Variants in FHIT observed in about 807,000 individuals in gnomAD.
The protein encoded by FHIT is fragile histidine triad diadenosine triphosphatase, also known as bis(5'-adenosyl)-triphosphatase.
In FHIT, 19 loss-of-function variants were observed where a neutral mutation model predicts 17.9. The ratio of observed to expected loss-of-function variants is 1.06; its 90% CI spans 0.74 to 1.56. The LOEUF (loss-of-function observed/expected upper bound fraction) is 1.56, where lower values mean the gene tolerates loss of function less well. FHIT is among the 40% of genes most tolerant of loss of function. FHIT has a pLI of 0.00. For synonymous variants in FHIT, 81 were observed against 69.7 expected (o/e 1.16, Z -0.81); for missense variants, 248 against 189.2 (o/e 1.31, Z -1.82).
At chr3:61,202,067 T>TACACACACAC (rs143994045) in intron 1 of FHIT, among the ~76,000 whole-genome samples, 7,116 of 148,646 alleles carry the variant, frequency 0.048, 229 homozygotes, top group African/African-American at 0.096. Flanking sequence ...CGCACATAGA[T>TACACACACAC]ACACACACAC....
At chr3:60,380,192 T>C (rs1487396505) in intron 5 of FHIT, among the ~76,000 whole-genome samples, 1 of 152,126 alleles carries the variant, frequency 6.6e-6, no homozygotes, top group East Asian at 1.9e-4. Flanking sequence ...GGTAGATCTG[T>C]AATGAATAGC....
intron 5 of FHIT, among the ~76,000 whole-genome samples, chr3:60,050,827 C>G (rs1701841983): frequency 6.6e-6 from 1 of 152,108 alleles, no homozygotes; most frequent in African/African-American, 2.4e-5. Flanking sequence ...AATAAATACG[C>G]CCCTTAGCAA....
chr3:59,974,904 A>G (rs1415651707), intron 7 of FHIT, among the ~76,000 whole-genome samples: 1 of 152,162 alleles, frequency 6.6e-6, no homozygotes, highest in Non-Finnish European at 1.5e-5. Context: ...AGCAGGTTGC[A>G]TTCTACCACG....
chr3:60,736,660 T>C (rs9311774), intron 4 of FHIT, among the ~76,000 whole-genome samples: 3,934 of 152,298 alleles, frequency 0.026, 196 homozygotes, highest in African/African-American at 0.088. Flanking sequence ...ACAGTGACTG[T>C]TAATGGCTAG....
At chr3:60,448,905 C>T (rs541197271) in intron 5 of FHIT, among the ~76,000 whole-genome samples, 1 of 152,248 alleles carries the variant, frequency 6.6e-6, no homozygotes, top group African/African-American at 2.4e-5. Context: ...CACACACAGG[C>T]AATATAAATT....
intron 2 of FHIT, among the ~76,000 whole-genome samples, chr3:61,106,209 TTTTG>T (rs756880624): frequency 1.5e-4 from 23 of 152,192 alleles, no homozygotes; most frequent in Admixed American, 9.8e-4. Context: ...ATTATTATTA[TTTTG>T]TTTGTTTGTT....
chr3:60,710,629 C>A (rs904760280), intron 4 of FHIT, among the ~76,000 whole-genome samples: 16 of 152,358 alleles, frequency 1.1e-4, no homozygotes, highest in East Asian at 5.8e-4. Context: ...TATCCCACAC[C>A]TGGCTCGGAG....
At chr3:60,200,672 A>G (rs201635093) in intron 5 of FHIT, among the ~76,000 whole-genome samples, 3,738 of 28,940 alleles carry the variant, frequency 0.13, 98 homozygotes, top group East Asian at 0.52. Context: ...CTTTTGGGGG[A>G]AAAAAAAAAA....
At position 60,161,684 on chromosome 3, in the gene FHIT, GA is replaced by G. The variant is rs113116446; in HGVS notation, c.104-147533del. Among the ~76,000 whole-genome samples the G allele has an allele frequency of 2.2e-3, 333 of 150,526 alleles. 1 individual carries two copies. The highest frequency in any genetic ancestry group is 7.1e-3 in the African/African-American group (293 of 41,014). On this transcript the variant is annotated intron_variant, in intron 5 of 9. Transcript: ENST00000492590. ...ACTCAGGAGGGACCTGCATTTGGGG[GA>G]AAAAAAAACCCAGAACCAACAGAAG...
chr3:60,604,951 A>G (rs1304761867), intron 4 of FHIT, among the ~76,000 whole-genome samples: 3 of 152,182 alleles, frequency 2.0e-5, no homozygotes, highest in Admixed American at 6.5e-5. Flanking sequence ...GGTCCATTTT[A>G]ACACAAGAGC....
chr3:60,270,062 A>G (rs933969628), intron 5 of FHIT, among the ~76,000 whole-genome samples: 1 of 152,178 alleles, frequency 6.6e-6, no homozygotes, highest in Non-Finnish European at 1.5e-5. Flanking sequence ...GGGCCAGCCA[A>G]TCAGATTCTC....
chr3:60,672,495 C>G (rs1043352993), intron 4 of FHIT, among the ~76,000 whole-genome samples: 1 of 152,082 alleles, frequency 6.6e-6, no homozygotes, highest in African/African-American at 2.4e-5. Flanking sequence ...AGGCAAGGAC[C>G]AGCCATTTAC....
chr3:60,324,573 G>GGAAAAAAAAAAAAAA (rs757433390), intron 5 of FHIT, among the ~76,000 whole-genome samples: 18 of 128,862 alleles, frequency 1.4e-4, no homozygotes, highest in African/African-American at 5.0e-4. Flanking sequence ...GACTCCATCA[G>GGAAAAAAAAAAAAAA]AAAAAAAAAA....
intron 5 of FHIT, among the ~76,000 whole-genome samples, chr3:60,362,895 A>G (rs1298763683): frequency 6.6e-6 from 1 of 152,202 alleles, no homozygotes; most frequent in African/African-American, 2.4e-5. Flanking sequence ...GAGAAATCAG[A>G]AGTTAAATCA....
chr3:60,702,082 C>G (rs774599476), intron 4 of FHIT, among the ~76,000 whole-genome samples: 54 of 152,310 alleles, frequency 3.5e-4, no homozygotes, highest in Admixed American at 1.4e-3. Flanking sequence ...AGGCTGGTCT[C>G]TAACTCCTGG....
intron 5 of FHIT, among the ~76,000 whole-genome samples, chr3:60,535,652 A>C (rs2035954941): frequency 6.6e-6 from 1 of 152,016 alleles, no homozygotes; most frequent in South Asian, 2.1e-4. Flanking sequence ...TTAAAAGAAG[A>C]GTTTTAAATA....
intron 3 of FHIT, among the ~76,000 whole-genome samples, chr3:60,963,740 T>C (rs1265269786): frequency 6.6e-6 from 1 of 152,106 alleles, no homozygotes; most frequent in African/African-American, 2.4e-5. Context: ...TTGAGCGGTT[T>C]TTGAATGAGT....
chr3:60,082,395 T>G (rs763646690), intron 5 of FHIT, among the ~76,000 whole-genome samples: 1 of 152,172 alleles, frequency 6.6e-6, no homozygotes, highest in Non-Finnish European at 1.5e-5. Context: ...CCTAAGTTGA[T>G]TTCATGTCTT....
chr3:61,076,551 A>G (rs2034977478), intron 2 of FHIT, among the ~76,000 whole-genome samples: 1 of 152,124 alleles, frequency 6.6e-6, no homozygotes, highest in African/African-American at 2.4e-5. Flanking sequence ...CAAAACTTTC[A>G]CCCTATTTTT....
Sources: gnomAD v4.1 joint callset for allele counts (sites outside exome capture counted in the v4.1 genomes callset) on GRCh38, gnomAD v4.1.1 for gene constraint, MANE v1.5 for transcripts, NCBI Gene and HGNC (gene_info 2026-07-23, HGNC 2026-07-21) for gene names.